Variants in CACNA2D3 observed in about 807,000 individuals in gnomAD.
CACNA2D3 encodes calcium voltage-gated channel auxiliary subunit alpha2delta 3, also known as voltage-dependent calcium channel subunit alpha-2/delta-3.
Under a neutral mutation model 160.6 loss-of-function variants are expected in CACNA2D3, and 60 were observed. The ratio of observed to expected loss-of-function variants is 0.37; its 90% confidence interval spans 0.30 to 0.46. The LOEUF (loss-of-function observed/expected upper bound fraction) is 0.46. Ranked by LOEUF, CACNA2D3 falls within the 20% of genes least tolerant of loss-of-function variation. The pLI, the probability that CACNA2D3 is intolerant of heterozygous loss-of-function variation, is 1.00. For synonymous variants in CACNA2D3, 558 were observed against 492.9 expected, an observed-to-expected ratio of 1.13 and a Z score of -1.75; for missense variants, 1,205 against 1,365.0, an observed-to-expected ratio of 0.88 and a Z score of 1.85.
intron 17 of CACNA2D3, among the ~76,000 whole-genome samples, chr3:54,865,781 C>T (rs1306435005): frequency 3.3e-5 from 5 of 152,152 alleles, no homozygotes; most frequent in African/African-American, 7.2e-5. Flanking sequence ...TGGTACTGGC[C>T]AAATGGGCGT....
chr3:54,597,507 C>T (rs944189753), intron 9 of CACNA2D3, among the ~76,000 whole-genome samples: 3 of 152,210 alleles, frequency 2.0e-5, no homozygotes, highest in African/African-American at 4.8e-5. Context: ...TCTAGCCCAT[C>T]GAATGGGCTT....
At chr3:54,872,796 A>G (rs1699567527) in intron 18 of CACNA2D3, among the ~76,000 whole-genome samples, 3 of 152,150 alleles carry the variant, frequency 2.0e-5, no homozygotes, top group Admixed American at 2.0e-4. Context: ...CATTTGATAA[A>G]AGCTCCTTCC....
rs1174129020 is a variant in CACNA2D3, at chr3:54,840,403, C to CTTT, written c.1551+1778_1551+1780dup. 6.2e-3 allele frequency among the ~76,000 whole-genome samples: 453 copies of CTTT among 73,474 alleles called. 3 individuals carry two copies. Among genetic ancestry groups the CTTT allele is most frequent in the Middle Eastern group, 0.011 (1 of 92 alleles). 48.2% of individuals were successfully genotyped at this position (73,474 alleles called of 152,430 possible). ...CATCTTGCAAGCAGGAGAACCATGT[C>CTTT]TTTTTTTTTTTTTTTTTTTTTTTTT... On this transcript the variant is annotated intron_variant, in intron 16 of 37. Transcript: ENST00000474759.
intron 27 of CACNA2D3, among the ~76,000 whole-genome samples, chr3:54,907,331 A>G (rs1419708890): frequency 6.6e-6 from 1 of 152,170 alleles, no homozygotes; most frequent in Non-Finnish European, 1.5e-5. Context: ...TTGGATCTCT[A>G]ACAGCCTCAT....
At chr3:55,031,852 G>A (rs2107177349) in intron 35 of CACNA2D3, among the ~76,000 whole-genome samples, 1 of 152,048 alleles carries the variant, frequency 6.6e-6, no homozygotes, top group Non-Finnish European at 1.5e-5. Flanking sequence ...TCAGGAGGAT[G>A]TGGGAGAAAT....
At chr3:54,729,922 C>T (rs1701353337) in intron 11 of CACNA2D3, among the ~76,000 whole-genome samples, 1 of 150,396 alleles carries the variant, frequency 6.6e-6, no homozygotes, top group African/African-American at 2.5e-5. Flanking sequence ...TGCCATGAAC[C>T]CAGGAGGCGG....
At chr3:54,679,454 T>C (rs780779049) in intron 11 of CACNA2D3, among the ~76,000 whole-genome samples, 1 of 152,220 alleles carries the variant, frequency 6.6e-6, no homozygotes, top group Non-Finnish European at 1.5e-5. Flanking sequence ...ATATCCTCTC[T>C]GTGTGCATCA....
intron 27 of CACNA2D3, among the ~76,000 whole-genome samples, chr3:54,941,190 C>G (rs1701457879): frequency 6.6e-6 from 1 of 152,156 alleles, no homozygotes; most frequent in Non-Finnish European, 1.5e-5. Flanking sequence ...CCTCATCAAA[C>G]TTGTTCAAGT....
rs559598925 is a variant in CACNA2D3 at position 55,016,252 on chromosome 3, T to G, written c.2876-1954T>G. Among the ~76,000 whole-genome samples, 4 of 152,264 alleles carry G rather than the reference T, an allele frequency of 2.6e-5. No individual in the cohort carries two copies. In the East Asian group the frequency reaches 7.7e-4, roughly 29 times the overall value. On this transcript the variant is annotated intron_variant, in intron 34 of 37. Transcript: ENST00000474759. ...AAAGTGATGGTTCAAAAAGCCCGAC[T>G]CCATGAAATAGCACGAGTGCAGCAG...
rs1304731180 is a variant in CACNA2D3 at position 54,610,921 on chromosome 3, A to G, written c.964-16866A>G. On this transcript the variant is annotated intron_variant, in intron 9 of 37. Transcript: ENST00000474759. ...TGGGATTACAGGAGTGAGCCACCAC[A>G]CCCTGCCTGGACATTTTTTTTCAAA... Among the ~76,000 whole-genome samples the G allele has an allele frequency of 5.3e-5, 8 of 151,686 alleles. No homozygotes were observed. In the East Asian group the frequency reaches 1.5e-3, roughly 29 times the overall value.
At chr3:54,155,000 TAAC>T (rs1700220748) in intron 2 of CACNA2D3, among the ~76,000 whole-genome samples, 1 of 152,212 alleles carries the variant, frequency 6.6e-6, no homozygotes, top group Admixed American at 6.5e-5. Context: ...TATAAATAAA[TAAC>T]AAACCATTAT....
chr3:54,820,675 C>T (rs1703570424), intron 14 of CACNA2D3, among the ~76,000 whole-genome samples: 1 of 152,022 alleles, frequency 6.6e-6, no homozygotes, highest in African/African-American at 2.4e-5. Flanking sequence ...GGAAATTGGA[C>T]CAGTTTCTTG....
chr3:54,164,473 C>CT (rs1249067123), intron 2 of CACNA2D3, among the ~76,000 whole-genome samples: 1 of 152,228 alleles, frequency 6.6e-6, no homozygotes, highest in African/African-American at 2.4e-5. Flanking sequence ...CTGGAATTAC[C>CT]TTTGTCATTT....
chr3:55,063,489 A>C (rs771865788), intron 35 of CACNA2D3, among the ~76,000 whole-genome samples: 1 of 152,192 alleles, frequency 6.6e-6, no homozygotes, highest in Non-Finnish European at 1.5e-5. Flanking sequence ...AAATGAAACA[A>C]AACAAAATGC....
At chr3:54,895,299 G>T (rs151073409) in intron 25 of CACNA2D3, among the ~76,000 whole-genome samples, 1 of 152,162 alleles carries the variant, frequency 6.6e-6, no homozygotes, top group Non-Finnish European at 1.5e-5. Flanking sequence ...TACACCAAGC[G>T]CCTGCTGAGA....
chr3:54,533,133 G>T (rs1002974152), intron 5 of CACNA2D3, among the ~76,000 whole-genome samples: 1 of 151,996 alleles, frequency 6.6e-6, no homozygotes. Flanking sequence ...TTTCCTGTCT[G>T]TCTAAACCCT....
At chr3:54,309,678 A>G (rs530719040) in intron 2 of CACNA2D3, among the ~76,000 whole-genome samples, 2 of 152,228 alleles carry the variant, frequency 1.3e-5, no homozygotes, top group East Asian at 3.9e-4. Flanking sequence ...TGCTCTCCTG[A>G]GGGGGGTGTC....
At chr3:54,165,615 A>G (rs1027159173) in intron 2 of CACNA2D3, among the ~76,000 whole-genome samples, 1 of 133,828 alleles carries the variant, frequency 7.5e-6, no homozygotes, top group African/African-American at 2.7e-5. Context: ...AAAAAAAAAA[A>G]AAAAGAAAAA....
chr3:54,527,150 C>T (rs974704227), intron 5 of CACNA2D3, among the ~76,000 whole-genome samples: 7 of 152,238 alleles, frequency 4.6e-5, no homozygotes, highest in African/African-American at 1.7e-4. Context: ...CTGTCTCTTC[C>T]TGTAGAGATC....
Sources: gnomAD v4.1 joint callset for allele counts (sites outside exome capture counted in the v4.1 genomes callset) on GRCh38, gnomAD v4.1.1 for gene constraint, MANE v1.5 for transcripts, NCBI Gene and HGNC (gene_info 2026-07-23, HGNC 2026-07-21) for gene names.